Variants in PINX1 observed in about 807,000 individuals in gnomAD.
PINX1 encodes PIN2 (TERF1) interacting telomerase inhibitor 1.
In PINX1, 34 loss-of-function variants were observed where a neutral mutation model predicts 25.4. The ratio of observed to expected loss-of-function variants is 1.34; its 90% CI spans 1.02 to 1.78. The LOEUF (loss-of-function observed/expected upper bound fraction) is 1.78, where lower values mean the gene tolerates loss of function less well. Among genes scored for constraint, PINX1 ranks in the 40% most tolerant of loss-of-function variants. PINX1 has a pLI of 0.00. For missense variants in PINX1, 592 were observed against 404.9 expected, an observed-to-expected ratio of 1.46 and a Z score of -3.97; for synonymous variants, 197 against 147.7, an observed-to-expected ratio of 1.33 and a Z score of -2.42.
At chr8:10,789,419 C>T (rs552736993) in intron 6 of PINX1, among the ~76,000 whole-genome samples, 267 of 152,308 alleles carry the variant, frequency 1.8e-3, no homozygotes, top group Non-Finnish European at 2.7e-3. Context: ...CTCACAGTTA[C>T]CTTTGGGAGT....
At chr8:10,766,599 G>A (rs1210335252) in intron 6 of PINX1, among the ~76,000 whole-genome samples, 1 of 152,194 alleles carries the variant, frequency 6.6e-6, no homozygotes, top group Non-Finnish European at 1.5e-5. Context: ...TCCCTCAGCT[G>A]GGGGTGGGGA....
At chr8:10,839,044 G>C (rs190433224) in intron 1 of PINX1, among the ~76,000 whole-genome samples, 197 of 152,294 alleles carry the variant, frequency 1.3e-3, no homozygotes, top group Middle Eastern at 6.8e-3. Context: ...CAGGATCAAA[G>C]CATGACTGCC....
chr8:10,838,700 G>T lies in PINX1; in HGVS notation c.19+1038C>A, dbSNP rs138491602. 2.1e-3 allele frequency among the ~76,000 whole-genome samples: 321 copies of T among 152,280 alleles called. 14 individuals carry two copies. In the South Asian group the frequency reaches 0.065, roughly 31 times the overall value. ...TTACTGGTGAAAAAATAGAACCGAC[G>T]GGTTCAGTCTAAAACATACTCATTT... On this transcript the variant is annotated intron_variant, in intron 1 of 6. Coordinates refer to ENST00000314787, the MANE Select transcript of PINX1 (RefSeq NM_017884.6).
At chr8:10,814,298 G>A (rs927551079) in intron 6 of PINX1, among the ~76,000 whole-genome samples, 1 of 152,208 alleles carries the variant, frequency 6.6e-6, no homozygotes, top group Non-Finnish European at 1.5e-5. Flanking sequence ...CTGGCAGTTC[G>A]TGATGATCTT....
At chr8:10,786,400 G>C (rs1801748435) in intron 6 of PINX1, among the ~76,000 whole-genome samples, 1 of 152,218 alleles carries the variant, frequency 6.6e-6, no homozygotes, top group Non-Finnish European at 1.5e-5. Flanking sequence ...GCCAGTAAAA[G>C]TGGGGAGTTG....
At chr8:10,810,706 G>C (rs191319036) in intron 6 of PINX1, among the ~76,000 whole-genome samples, 15 of 152,338 alleles carry the variant, frequency 9.8e-5, no homozygotes, top group Admixed American at 9.8e-4. Context: ...AGGAAAACAA[G>C]TAACCAAATG....
At chr8:10,830,978 G>A (rs764692543) in intron 4 of PINX1, among the ~76,000 whole-genome samples, 1 of 152,188 alleles carries the variant, frequency 6.6e-6, no homozygotes, top group African/African-American at 2.4e-5. Flanking sequence ...TCAGCATGTT[G>A]CAGAGGTACC....
At chr8:10,809,303 G>C (rs11779094) in intron 6 of PINX1, among the ~76,000 whole-genome samples, 1 of 152,102 alleles carries the variant, frequency 6.6e-6, no homozygotes, top group Non-Finnish European at 1.5e-5. Flanking sequence ...ACAAATAAAA[G>C]AAAGGCACAC....
rs547614388 is a variant in PINX1, at chr8:10,774,501, G to A, written c.472-8585C>T. Among the ~76,000 whole-genome samples the A allele has an allele frequency of 8.2e-3, 1,243 of 152,128 alleles. 15 individuals are homozygous for A. Among genetic ancestry groups the A allele is most frequent in the African/African-American group, 0.028 (1,148 of 41,492 alleles). ...TCTCCATGTTGGTCAGGCTGGTCTC[G>A]AACTCCCGACCTCAGGTGATCCACC... On this transcript the variant is annotated intron_variant, in intron 6 of 6. Transcript: ENST00000314787.
chr8:10,807,921 C>G (rs1198677951), intron 6 of PINX1, among the ~76,000 whole-genome samples: 2 of 152,148 alleles, frequency 1.3e-5, no homozygotes, highest in African/African-American at 4.8e-5. Flanking sequence ...GAGAGGTCTC[C>G]TGGGAGACAG....
At chr8:10,783,576 G>C (rs1306350141) in intron 6 of PINX1, among the ~76,000 whole-genome samples, 3 of 152,318 alleles carry the variant, frequency 2.0e-5, no homozygotes, top group Admixed American at 6.5e-5. Context: ...TATGCCCCCA[G>C]TCCTCTGGCA....
intron 6 of PINX1, among the ~76,000 whole-genome samples, chr8:10,776,840 C>G (rs1312413895): frequency 6.6e-6 from 1 of 152,166 alleles, no homozygotes; most frequent in African/African-American, 2.4e-5. Context: ...CTCCGCCAAC[C>G]CTTCCCCCAC....
Position 10,822,387 on chromosome 8 carries a change from C to A in PINX1, c.395-2118G>T, listed in dbSNP as rs2409651. Reference sequence around the variant, plus strand: ...ATACTGTTGATAAACTTAGAGAAAACGACAATGAAGAAAACTGAATAGGAA... The same window carrying A: ...ATACTGTTGATAAACTTAGAGAAAAAGACAATGAAGAAAACTGAATAGGAA... On this transcript the variant is annotated intron_variant, in intron 5 of 6. Coordinates refer to ENST00000314787, the MANE Select transcript of PINX1 (RefSeq NM_017884.6). Among the ~76,000 whole-genome samples the A allele has an allele frequency of 2.6e-5, 4 of 152,124 alleles. No individual in the cohort carries two copies. The South Asian group carries it at 8.3e-4, about 32-fold the overall frequency.
chr8:10,789,706 T>A (rs192126685), intron 6 of PINX1, among the ~76,000 whole-genome samples: 1 of 152,304 alleles, frequency 6.6e-6, no homozygotes, highest in Admixed American at 6.5e-5. Context: ...ACGTGTTCAA[T>A]TGTTTTTCAA....
chr8:10,833,017 T>A (rs1429119303), intron 2 of PINX1, 33 bp from the exon 3 acceptor site: 1 of 1,348,368 alleles, frequency 7.4e-7, no homozygotes, highest in Non-Finnish European at 1.0e-6. Flanking sequence ...GTTAGAACAT[T>A]CCTCTCACTG....
At chr8:10,820,677 A>G (rs1433923582) in intron 5 of PINX1, among the ~76,000 whole-genome samples, 1 of 152,232 alleles carries the variant, frequency 6.6e-6, no homozygotes, top group Admixed American at 6.5e-5. Flanking sequence ...TACGAAATAC[A>G]CATGAAAAAA....
At chr8:10,766,117 C>A (rs930312967) in intron 6 of PINX1, among the ~76,000 whole-genome samples, 1 of 152,166 alleles carries the variant, frequency 6.6e-6, no homozygotes, top group Non-Finnish European at 1.5e-5. Context: ...GCCTGAACTG[C>A]AGGCCGGGAG....
intron 6 of PINX1, among the ~76,000 whole-genome samples, chr8:10,784,057 G>C (rs1420865476): frequency 2.0e-5 from 3 of 152,128 alleles, no homozygotes; most frequent in African/African-American, 7.2e-5. Flanking sequence ...ACTAAACTCT[G>C]ACCAATGATG....
At chr8:10,791,461 T>C (rs1281099923) in intron 6 of PINX1, among the ~76,000 whole-genome samples, 1 of 152,146 alleles carries the variant, frequency 6.6e-6, no homozygotes. Context: ...CTCCTGGCCG[T>C]GACGAGGGCT....
Sources: gnomAD v4.1 joint callset for allele counts (sites outside exome capture counted in the v4.1 genomes callset) on GRCh38, gnomAD v4.1.1 for gene constraint, MANE v1.5 for transcripts, NCBI Gene and HGNC (gene_info 2026-07-23, HGNC 2026-07-21) for gene names.